Variants in HS6ST2 observed in about 807,000 individuals in gnomAD.
HS6ST2 encodes heparan sulfate 6-O-sulfotransferase 2.
A neutral mutation model predicts 33.0 loss-of-function variants in HS6ST2; 17 were observed. The observed-to-expected ratio is 0.52, with a 90% CI of 0.35 to 0.77. The LOEUF (loss-of-function observed/expected upper bound fraction) is 0.77. Ranked by LOEUF, HS6ST2 falls within the 30% of genes least tolerant of loss-of-function variation. The pLI is 0.01. For synonymous variants in HS6ST2, 248 were observed against 237.1 expected (o/e 1.05, Z -0.42); for missense variants, 519 against 551.7 (o/e 0.94, Z 0.59).
chrX:132,943,972 C>T (rs1266733651), intron 2 of HS6ST2, among the ~76,000 whole-genome samples: 2 of 111,343 alleles, frequency 1.8e-5, no homozygotes, highest in East Asian at 2.8e-4. Context: ...CCTCTCTCAC[C>T]ACTCCTATTC....
In HS6ST2 at chrX:132,626,500, C is replaced by T. The variant is rs557836111; in HGVS notation, c.*1723G>A. 9 of 112,141 alleles carry T rather than the reference C, an allele frequency of 8.0e-5. No homozygotes were observed. The highest frequency in any genetic ancestry group is 6.6e-4 in the Admixed American group (7 of 10,590). The allele number at this position is 112,141 out of a possible 1,213,427, so 9.2% of individuals were successfully genotyped here. ...AAGACTGCAATACTGTCAGACAAAACAAAAGCTAGAAATACTGATACAAGC... is the reference window on the plus strand; with the variant it reads ...AAGACTGCAATACTGTCAGACAAAATAAAAGCTAGAAATACTGATACAAGC... On this transcript the variant is annotated 3_prime_UTR_variant, in exon 5 of 5. Coordinates refer to ENST00000370833, the MANE Select transcript of HS6ST2 (RefSeq NM_001394073.1).
chrX:132,937,168 A>C (rs2066832772), intron 2 of HS6ST2, among the ~76,000 whole-genome samples: 1 of 111,737 alleles, frequency 8.9e-6, no homozygotes, highest in Admixed American at 9.6e-5. Flanking sequence ...AGTAAAATAA[A>C]AACAATAAAA....
intron 2 of HS6ST2, among the ~76,000 whole-genome samples, chrX:132,737,476 G>A (rs1019892117): frequency 9.0e-6 from 1 of 110,949 alleles, no homozygotes; most frequent in Non-Finnish European, 1.9e-5. Context: ...ATTTCCATTC[G>A]TTCCCACTGG....
At chrX:132,789,327 C>T (rs1399282469) in intron 2 of HS6ST2, among the ~76,000 whole-genome samples, 1 of 111,032 alleles carries the variant, frequency 9.0e-6, no homozygotes, top group African/African-American at 3.3e-5. Context: ...AACAACAAAA[C>T]CTGGATTAAA....
chrX:132,958,136 G>T, intron 1 of HS6ST2, 39 bp downstream of exon 1: 4 of 1,085,091 alleles, frequency 3.7e-6, no homozygotes, highest in Non-Finnish European at 4.8e-6. Flanking sequence ...TTCGCGCCCT[G>T]GCCTGGGAGC....
Position 132,879,103 on chromosome X carries a change from G to A in HS6ST2, c.947+77705C>T, listed in dbSNP as rs747721087. Among the ~76,000 whole-genome samples, 4 of 111,990 alleles carry A rather than the reference G, an allele frequency of 3.6e-5. No homozygotes were observed. In the East Asian group the frequency reaches 8.4e-4, roughly 23 times the overall value. On this transcript the variant is annotated intron_variant, in intron 2 of 4. Transcript: ENST00000370833. ...AAGCATTTAAGGAATTAGGATCTATGTTGAATTAGCAAGTTGGAATGCAAA... is the reference window on the plus strand; with the variant it reads ...AAGCATTTAAGGAATTAGGATCTATATTGAATTAGCAAGTTGGAATGCAAA...
chrX:132,837,618 T>A (rs1000685990), intron 2 of HS6ST2, among the ~76,000 whole-genome samples: 3 of 111,609 alleles, frequency 2.7e-5, no homozygotes, highest in African/African-American at 9.8e-5. Context: ...ATTGTTTCCC[T>A]CCATTAGCAC....
intron 2 of HS6ST2, among the ~76,000 whole-genome samples, chrX:132,883,028 C>T (rs1212242644): frequency 9.0e-6 from 1 of 110,995 alleles, no homozygotes; most frequent in African/African-American, 3.3e-5. Flanking sequence ...TTCGGTTTGC[C>T]AGTATTTTAT....
intron 3 of HS6ST2, among the ~76,000 whole-genome samples, chrX:132,700,533 C>CAT (rs201749878): frequency 0.034 from 3,436 of 101,889 alleles, 128 homozygotes; most frequent in African/African-American, 0.099. Context: ...CACATAAGAT[C>CAT]ATATATATAT....
intron 2 of HS6ST2, among the ~76,000 whole-genome samples, chrX:132,852,459 A>G (rs1366122519): frequency 8.9e-6 from 1 of 112,175 alleles, no homozygotes; most frequent in Non-Finnish European, 1.9e-5. Flanking sequence ...CAGAAAGACA[A>G]TATCAATGTT....
intron 2 of HS6ST2, among the ~76,000 whole-genome samples, chrX:132,789,947 G>T (rs1312552920): frequency 8.9e-6 from 1 of 112,383 alleles, no homozygotes; most frequent in African/African-American, 3.2e-5. Context: ...CTTGAGATAG[G>T]ATCTACTCCT....
At chrX:132,860,174 G>A (rs1222081881) in intron 2 of HS6ST2, among the ~76,000 whole-genome samples, 2 of 112,209 alleles carry the variant, frequency 1.8e-5, no homozygotes, top group Non-Finnish European at 3.8e-5. Context: ...AATGAGCTCT[G>A]CAAAATCTGG....
At chrX:132,900,073 A>G (rs964651476) in intron 2 of HS6ST2, among the ~76,000 whole-genome samples, 1 of 111,895 alleles carries the variant, frequency 8.9e-6, no homozygotes, top group Non-Finnish European at 1.9e-5. Context: ...AACGCTATTG[A>G]TTTTTATAAG....
intron 2 of HS6ST2, among the ~76,000 whole-genome samples, chrX:132,709,324 C>G (rs2064210182): frequency 8.9e-6 from 1 of 112,041 alleles, no homozygotes; most frequent in Non-Finnish European, 1.9e-5. Flanking sequence ...CTTTTATGCC[C>G]GAAGTGGGCT....
chrX:132,722,867 T>A (rs2064347173), intron 2 of HS6ST2, among the ~76,000 whole-genome samples: 1 of 81,886 alleles, frequency 1.2e-5, no homozygotes, highest in African/African-American at 4.9e-5. Flanking sequence ...AATAAAATTA[T>A]GTTAAAAATA....
chrX:132,747,471 A>G (rs1407498224), intron 2 of HS6ST2, among the ~76,000 whole-genome samples: 2 of 111,610 alleles, frequency 1.8e-5, no homozygotes, highest in Non-Finnish European at 3.8e-5. Flanking sequence ...GCAGCAATTA[A>G]AGCATGCCCC....
intron 2 of HS6ST2, among the ~76,000 whole-genome samples, chrX:132,801,584 A>G (rs1366542494): frequency 9.0e-6 from 1 of 111,662 alleles, no homozygotes; most frequent in East Asian, 2.8e-4. Context: ...CGCCAGGTGG[A>G]TGCTATCTGT....
chrX:132,898,418 C>A (rs2066397908), intron 2 of HS6ST2, among the ~76,000 whole-genome samples: 1 of 97,601 alleles, frequency 1.0e-5, no homozygotes, highest in African/African-American at 3.6e-5. Context: ...AGCTTCTCTG[C>A]ATTTTAATAA....
At chrX:132,698,292 T>C (rs1020156421) in intron 3 of HS6ST2, among the ~76,000 whole-genome samples, 6 of 112,485 alleles carry the variant, frequency 5.3e-5, no homozygotes, top group Non-Finnish European at 1.1e-4. Context: ...ATTTCACATG[T>C]TACTGCTGTA....
Sources: gnomAD v4.1 joint callset for allele counts (sites outside exome capture counted in the v4.1 genomes callset) on GRCh38, gnomAD v4.1.1 for gene constraint, MANE v1.5 for transcripts, NCBI Gene and HGNC (gene_info 2026-07-23, HGNC 2026-07-21) for gene names.